The following SMOC2 variants were observed in gnomAD, a reference collection of about 807,000 sequenced individuals.
The protein encoded by SMOC2 is SPARC related modular calcium binding 2.
In SMOC2, 39 loss-of-function variants were observed where a neutral mutation model predicts 61.4. That is an observed-to-expected ratio of 0.64 (90% confidence interval 0.49 to 0.83). The LOEUF is 0.83. Among genes scored for constraint, SMOC2 ranks in the 40% least tolerant of loss-of-function variants. SMOC2 has a pLI of 0.00. For missense variants in SMOC2, 556 were observed against 592.9 expected, an observed-to-expected ratio of 0.94 and a Z score of 0.65; for synonymous variants, 247 against 239.9, an observed-to-expected ratio of 1.03 and a Z score of -0.27.
chr6:168,510,719 A>G (rs141432311), intron 2 of SMOC2, among the ~76,000 whole-genome samples: 19 of 152,318 alleles, frequency 1.2e-4, no homozygotes, highest in African/African-American at 4.6e-4. Flanking sequence ...ATCCTCTTAA[A>G]TGAAACAAAA....
rs150983299 is a variant in SMOC2 at position 168,549,140 on chromosome 6, C to T, written c.574C>T (p.Arg192Cys). The T allele has an allele frequency of 4.9e-5, 79 of 1,613,830 alleles. No homozygotes were observed. The highest frequency in any genetic ancestry group is 6.1e-5 in the Non-Finnish European group (72 of 1,179,868). ...PQGDEEDIAS[R>C]YPTLWTEQVK... is the part of the protein sequence containing the mutation. ...ATTTTGGTTCATAGATATTGCATCA[C>T]GTTACCCTACCCTTTGGACTGAACA... The change falls in exon 7 of 13, where the codon CGT (arginine) becomes TGT (cysteine). Residue 192 changes from arginine to cysteine, a missense_variant. Coordinates refer to ENST00000356284, the MANE Select transcript of SMOC2 (RefSeq NM_001166412.2).
intron 7 of SMOC2, among the ~76,000 whole-genome samples, chr6:168,593,670 T>G (rs865962370): frequency 0.014 from 1 of 72 alleles, no homozygotes; most frequent in African/African-American, 0.062. Context: ...CTAGAGGATC[T>G]CCGAGCTCCT....
intron 4 of SMOC2, among the ~76,000 whole-genome samples, chr6:168,537,175 A>G (rs1048888305): frequency 6.6e-6 from 1 of 150,790 alleles, no homozygotes; most frequent in Non-Finnish European, 1.5e-5. Context: ...ATCCTAATAC[A>G]GCAGTCTGCA....
intron 7 of SMOC2, among the ~76,000 whole-genome samples, chr6:168,591,088 A>G (rs985325596): frequency 2.6e-5 from 4 of 152,270 alleles, no homozygotes; most frequent in Non-Finnish European, 5.9e-5. Flanking sequence ...TTATAGAAGT[A>G]AATTGGAATT....
intron 1 of SMOC2, among the ~76,000 whole-genome samples, chr6:168,442,266 T>A (rs1781229537): frequency 6.6e-6 from 1 of 152,266 alleles, no homozygotes; most frequent in South Asian, 2.1e-4. Flanking sequence ...TCACCGCGGT[T>A]GACCGCTGTG....
intron 8 of SMOC2, among the ~76,000 whole-genome samples, chr6:168,604,937 T>A (rs1562376703): frequency 6.6e-6 from 1 of 152,082 alleles, no homozygotes; most frequent in Non-Finnish European, 1.5e-5. Flanking sequence ...GACTTTTGTG[T>A]CAAAATTGGC....
intron 7 of SMOC2, among the ~76,000 whole-genome samples, chr6:168,582,338 G>A (rs922498835): frequency 2.0e-5 from 3 of 152,162 alleles, no homozygotes; most frequent in Non-Finnish European, 2.9e-5. Flanking sequence ...GTGTGAGACC[G>A]TTACTAGCTC....
chr6:168,592,331 G>C (rs1210385383), intron 7 of SMOC2, among the ~76,000 whole-genome samples: 1 of 146,462 alleles, frequency 6.8e-6, no homozygotes, highest in Admixed American at 6.8e-5. Context: ...CGTCTTTCTA[G>C]AGGATCTCCG....
At chr6:168,449,280 G>A (rs1294414570) in intron 1 of SMOC2, among the ~76,000 whole-genome samples, 2 of 152,170 alleles carry the variant, frequency 1.3e-5, no homozygotes, top group Non-Finnish European at 2.9e-5. Flanking sequence ...TCAGAACCAT[G>A]TGTACAAACT....
intron 1 of SMOC2, among the ~76,000 whole-genome samples, chr6:168,501,941 G>T (rs1356735353): frequency 6.6e-6 from 1 of 152,252 alleles, no homozygotes; most frequent in Non-Finnish European, 1.5e-5. Flanking sequence ...CACTCTGGCA[G>T]CTCTGTGCAG....
intron 9 of SMOC2, among the ~76,000 whole-genome samples, chr6:168,628,696 A>T (rs1295775831): frequency 6.6e-6 from 1 of 152,230 alleles, no homozygotes; most frequent in Non-Finnish European, 1.5e-5. Context: ...CTGCTGCAAG[A>T]TTACTAAACT....
At chr6:168,481,962 A>C (rs1782216693) in intron 1 of SMOC2, among the ~76,000 whole-genome samples, 1 of 151,906 alleles carries the variant, frequency 6.6e-6, no homozygotes, top group Non-Finnish European at 1.5e-5. Context: ...AAAAAAACCT[A>C]ACTTTACAAC....
chr6:168,483,201 AC>A (rs1232941901), intron 1 of SMOC2, among the ~76,000 whole-genome samples: 2 of 152,190 alleles, frequency 1.3e-5, no homozygotes, highest in East Asian at 1.9e-4. Flanking sequence ...ACACACACAC[AC>A]ACAAAAAAAC....
At chr6:168,614,586 C>T (rs369521161) in intron 9 of SMOC2, among the ~76,000 whole-genome samples, 12 of 93,914 alleles carry the variant, frequency 1.3e-4, no homozygotes, top group Admixed American at 2.2e-4. Context: ...CCTCTTCACA[C>T]CTACAGCCAG....
At chr6:168,466,078 G>T (rs1436538035) in intron 1 of SMOC2, among the ~76,000 whole-genome samples, 1 of 130,784 alleles carries the variant, frequency 7.6e-6, no homozygotes, top group Non-Finnish European at 1.6e-5. Context: ...TGGATGAAGC[G>T]AGGTGCTGCT....
Position 168,598,829 on chromosome 6 carries a change from G to T in SMOC2, c.649G>T (p.Asp217Tyr). Reference sequence around the variant, plus strand: ...CTTCTTCCCCGCAGTGTCATCCTGTGACCAAGAGCACCAGTCTGCCCTGGA... The same window carrying T: ...CTTCTTCCCCGCAGTGTCATCCTGTTACCAAGAGCACCAGTCTGCCCTGGA... ...KTNKNSVSSCDQEHQSALEEA... is the reference protein window; with the variant it reads ...KTNKNSVSSCYQEHQSALEEA... The change falls in exon 8 of 13, where the codon GAC becomes TAC. Residue 217 changes from aspartate to tyrosine, a missense_variant. Coordinates refer to ENST00000356284, the MANE Select transcript of SMOC2 (RefSeq NM_001166412.2). 1 of 1,613,756 alleles carries T rather than the reference G, an allele frequency of 6.2e-7. No individual in the cohort carries two copies. Among genetic ancestry groups the T allele is most frequent in the East Asian group, 2.2e-5 (1 of 44,868 alleles).
At chr6:168,505,487 T>G (rs1161138952) in intron 1 of SMOC2, among the ~76,000 whole-genome samples, 1 of 151,718 alleles carries the variant, frequency 6.6e-6, no homozygotes, top group Non-Finnish European at 1.5e-5. Context: ...AATGAGTGAA[T>G]GGAATGTCCG....
At chr6:168,458,883 A>G (rs1178206778) in intron 1 of SMOC2, among the ~76,000 whole-genome samples, 1 of 152,226 alleles carries the variant, frequency 6.6e-6, no homozygotes, top group East Asian at 1.9e-4. Flanking sequence ...TATAATAATT[A>G]AAGCTAATTC....
chr6:168,629,747 T>C (rs1786517578), intron 9 of SMOC2, among the ~76,000 whole-genome samples: 1 of 152,084 alleles, frequency 6.6e-6, no homozygotes, highest in Non-Finnish European at 1.5e-5. Context: ...GATGAATGTG[T>C]GTGGGGAAGC....
Sources: allele counts gnomAD v4.1 joint callset (sites outside exome capture counted in the v4.1 genomes callset), GRCh38; gene constraint gnomAD v4.1.1; transcripts MANE v1.5; gene names NCBI Gene and HGNC (gene_info 2026-07-23, HGNC 2026-07-21).